IFNGR2: variants seen among roughly 807,000 people sequenced by gnomAD.
The protein encoded by IFNGR2 is IFN-gamma receptor 2.
A neutral mutation model predicts 41.1 loss-of-function variants in IFNGR2; 15 were observed. The observed-to-expected ratio is 0.37, with a 90% CI of 0.24 to 0.56. IFNGR2 has a LOEUF of 0.56. Ranked by LOEUF, IFNGR2 falls within the 20% of genes least tolerant of loss-of-function variation. IFNGR2 has a pLI of 0.81. For missense variants in IFNGR2, 362 were observed against 415.7 expected (o/e 0.87, Z 1.12); for synonymous variants, 161 against 171.6 (o/e 0.94, Z 0.48).
chr21:33,421,585 C>T lies in IFNGR2; in HGVS notation c.312C>T (p.Gly104=), dbSNP rs142325229. The change falls in exon 3 of 7, where the codon GGC becomes GGT. Residue 104 remains glycine (G), a synonymous_variant. Transcript: ENST00000290219. The part of the protein sequence containing the change: ...CDFTAASPSA[G]FPMDFNVTLR... ...TCACTGCCGCCAGTCCCTCAGCAGG[C>T]TTCCCAATGGATTTCAATGTCACTC... 77 of 1,614,060 alleles carry T rather than the reference C, an allele frequency of 4.8e-5. No homozygotes were observed. The African/African-American group carries it at 5.9e-4, about 12-fold the overall frequency.
intron 4 of IFNGR2, among the ~76,000 whole-genome samples, chr21:33,431,575 A>AAAAAG (rs1324612682): frequency 6.6e-6 from 1 of 152,210 alleles, no homozygotes; most frequent in African/African-American, 2.4e-5. Context: ...TCTCAAAAAA[A>AAAAAG]AAAAGAAATA....
intron 2 of IFNGR2, 92 bp from the exon 3 acceptor site, chr21:33,421,388 C>A: frequency 6.6e-6 from 6 of 905,008 alleles, no homozygotes; most frequent in South Asian, 1.3e-5. Context: ...AATTGTATCT[C>A]AATAAACCTG....
intron 1 of IFNGR2, among the ~76,000 whole-genome samples, chr21:33,413,859 GTCTC>G (rs1193625200): frequency 1.0e-4 from 11 of 110,436 alleles, no homozygotes; most frequent in African/African-American, 3.5e-4. Context: ...TGGAGACAGA[GTCTC>G]TCTCTGTCGC....
At chr21:33,403,201 C>A (rs2083652472), upstream of IFNGR2, 1 of 153,050 alleles carries the variant, frequency 6.5e-6, no homozygotes, top group Non-Finnish European at 1.5e-5. Flanking sequence ...GGGCGTCCCG[C>A]GGGGCTCCAG....
At chr21:33,424,731 T>C (rs978548540) in intron 3 of IFNGR2, among the ~76,000 whole-genome samples, 4 of 152,082 alleles carry the variant, frequency 2.6e-5, no homozygotes, top group African/African-American at 9.7e-5. Context: ...GGGGATAACC[T>C]TATTTGTTTT....
intron 1 of IFNGR2, among the ~76,000 whole-genome samples, chr21:33,408,543 A>C (rs1178943384): frequency 6.6e-6 from 1 of 152,104 alleles, no homozygotes; most frequent in African/African-American, 2.4e-5. Context: ...TGGATCTGGG[A>C]TAGGTAGATC....
intron 1 of IFNGR2, among the ~76,000 whole-genome samples, chr21:33,404,500 A>G (rs2083663525): frequency 6.6e-6 from 1 of 152,096 alleles, no homozygotes; most frequent in South Asian, 2.1e-4. Flanking sequence ...TGCAGTGGGC[A>G]GCATCTCAGC....
chr21:33,431,716 G>A (rs1455109297), intron 4 of IFNGR2, among the ~76,000 whole-genome samples: 3 of 152,198 alleles, frequency 2.0e-5, no homozygotes, highest in African/African-American at 7.2e-5. Flanking sequence ...GATTACAGGT[G>A]TGTGCCACCA....
rs1202635218 is a variant in IFNGR2, at chr21:33,421,829, C to T, written c.412+144C>T. ...AGGACAGTCAAACCCACACTCTGACCTTGGAGGCTGATGCTAAGGGAGTGT... is the reference window on the plus strand; with the variant it reads ...AGGACAGTCAAACCCACACTCTGACTTTGGAGGCTGATGCTAAGGGAGTGT... On this transcript the variant is annotated intron_variant, in intron 3 of 6. Coordinates refer to ENST00000290219, the MANE Select transcript of IFNGR2 (RefSeq NM_005534.4). The T allele has an allele frequency of 4.0e-6, 3 of 757,862 alleles. No individual in the cohort carries two copies. The African/African-American group carries it at 5.1e-5, about 13-fold the overall frequency. 46.9% of individuals were successfully genotyped at this position (757,862 alleles called of 1,614,324 possible).
intron 1 of IFNGR2, among the ~76,000 whole-genome samples, chr21:33,409,545 G>A (rs1469984667): frequency 6.6e-6 from 1 of 152,118 alleles, no homozygotes; most frequent in South Asian, 2.1e-4. Context: ...AGAGTTTATG[G>A]TATTTTAGCG....
chr21:33,424,353 G>C (rs909390574), intron 3 of IFNGR2, among the ~76,000 whole-genome samples: 1 of 152,108 alleles, frequency 6.6e-6, no homozygotes, highest in African/African-American at 2.4e-5. Flanking sequence ...ATCAAGAGAA[G>C]GTAACAGAAG....
At position 33,409,003 on chromosome 21, in the gene IFNGR2, G is replaced by A. The variant is rs931237427; in HGVS notation, c.73+5387G>A. On this transcript the variant is annotated intron_variant, in intron 1 of 6. Coordinates refer to ENST00000290219, the MANE Select transcript of IFNGR2 (RefSeq NM_005534.4). The stretch of plus-strand genomic sequence containing the variant: ...ACCAGCCTGGCCAAGATGGTGAAAC[G>A]CTGTCTCTACTAAAAATACAAAAAT... Among the ~76,000 whole-genome samples the A allele has an allele frequency of 1.3e-4, 19 of 151,684 alleles. No individual in the cohort carries two copies. In the East Asian group the frequency reaches 3.7e-3, roughly 30 times the overall value.
intron 1 of IFNGR2, among the ~76,000 whole-genome samples, chr21:33,406,791 G>A (rs933048989): frequency 2.6e-5 from 4 of 151,712 alleles, no homozygotes; most frequent in African/African-American, 9.7e-5. Context: ...GGGACTACAC[G>A]TGCACGCCAT....
At chr21:33,419,195 G>A (rs1047046361) in intron 2 of IFNGR2, among the ~76,000 whole-genome samples, 4 of 152,152 alleles carry the variant, frequency 2.6e-5, no homozygotes, top group Admixed American at 6.5e-5. Context: ...AACCTCCGCC[G>A]CCTGGGTTCA....
chr21:33,406,684 A>G (rs979677325), intron 1 of IFNGR2, among the ~76,000 whole-genome samples: 3 of 141,998 alleles, frequency 2.1e-5, no homozygotes, highest in East Asian at 2.1e-4. Context: ...ATCTCTCTCC[A>G]TCGCCCAGGC....
chr21:33,423,409 T>C (rs1239659230), intron 3 of IFNGR2, among the ~76,000 whole-genome samples: 2 of 151,548 alleles, frequency 1.3e-5, no homozygotes, highest in South Asian at 2.1e-4. Context: ...GTTGTTGTTT[T>C]TGAGGTGGAG....
In IFNGR2 at chr21:33,409,180, A is replaced by G. The variant is rs190581969; in HGVS notation, c.73+5564A>G. Reference sequence around the variant, plus strand: ...TGACAGAACAAGACTGTCTCAAAAAAAAAAGAGGCCGGGCTCAGTGGCTCA... The same window carrying G: ...TGACAGAACAAGACTGTCTCAAAAAGAAAAGAGGCCGGGCTCAGTGGCTCA... On this transcript the variant is annotated intron_variant, in intron 1 of 6. Coordinates refer to ENST00000290219, the MANE Select transcript of IFNGR2 (RefSeq NM_005534.4). 2.0e-5 allele frequency among the ~76,000 whole-genome samples: 3 copies of G among 151,244 alleles called. No individual in the cohort carries two copies. In the East Asian group the frequency reaches 5.8e-4, roughly 29 times the overall value.
intron 3 of IFNGR2, among the ~76,000 whole-genome samples, chr21:33,424,011 G>C (rs1284161766): frequency 6.6e-6 from 1 of 152,000 alleles, no homozygotes; most frequent in Non-Finnish European, 1.5e-5. Context: ...ATGCAAACAA[G>C]TAATGATGGC....
rs1181559244 is a variant in IFNGR2 at position 33,437,283 on chromosome 21, T to G, written c.*321T>G. The G allele has an allele frequency of 3.2e-6, 1 of 310,212 alleles. No individual in the cohort carries two copies. The highest frequency in any genetic ancestry group is 2.2e-5 in the African/African-American group (1 of 45,918). The allele number at this position is 310,212 out of a possible 1,614,324, so 19.2% of individuals were successfully genotyped here. ...CACATCTCTGATACTTTTTTCATTA[T>G]TGGTTGGGCTGAGCAGTCAGAAGAC... On this transcript the variant is annotated 3_prime_UTR_variant, in exon 7 of 7. Coordinates refer to ENST00000290219, the MANE Select transcript of IFNGR2 (RefSeq NM_005534.4).
Sources: allele counts gnomAD v4.1 joint callset (sites outside exome capture counted in the v4.1 genomes callset), GRCh38; gene constraint gnomAD v4.1.1; transcripts MANE v1.5; gene names NCBI Gene and HGNC (gene_info 2026-07-23, HGNC 2026-07-21).